DSCAML1: variants seen among roughly 807,000 people sequenced by gnomAD.
DSCAML1 encodes the protein DS cell adhesion molecule like 1.
In DSCAML1, 38 loss-of-function variants were observed where a neutral mutation model predicts 200.5. The observed-to-expected ratio is 0.19, with a 90% CI of 0.15 to 0.25. The LOEUF (loss-of-function observed/expected upper bound fraction) is 0.25. DSCAML1 is among the 10% of genes least tolerant of loss of function. DSCAML1 has a pLI of 1.00. For missense variants in DSCAML1, 2,223 were observed against 2,858.8 expected (o/e 0.78, Z 5.07); for synonymous variants, 1,215 against 1,165.0 (o/e 1.04, Z -0.87).
chr11:117,758,640 G>C (rs1281692991), intron 3 of DSCAML1, among the ~76,000 whole-genome samples: 1 of 152,062 alleles, frequency 6.6e-6, no homozygotes, highest in African/African-American at 2.4e-5. Context: ...CTGACCTCGT[G>C]ATCCGCCCAC....
chr11:117,526,798 G>A (rs1015664119), intron 4 of DSCAML1, among the ~76,000 whole-genome samples: 54 of 152,022 alleles, frequency 3.6e-4, no homozygotes, highest in Admixed American at 1.2e-3. Flanking sequence ...TTACAGGCAT[G>A]AGCCACCGTG....
chr11:117,541,527 G>A (rs1281578858), intron 3 of DSCAML1, among the ~76,000 whole-genome samples: 6 of 152,186 alleles, frequency 3.9e-5, no homozygotes, highest in Non-Finnish European at 7.3e-5. Flanking sequence ...TGCCCTGGTT[G>A]TCTCTCCCCC....
At chr11:117,639,241 ATGGGAGGCTGGG>A (rs1422405254) in intron 3 of DSCAML1, among the ~76,000 whole-genome samples, 1 of 138,220 alleles carries the variant, frequency 7.2e-6, no homozygotes, top group East Asian at 2.4e-4. Context: ...GGCTGGATGG[ATGGGAGGCTGGG>A]TGGGAGGCTG....
intron 3 of DSCAML1, among the ~76,000 whole-genome samples, chr11:117,773,244 C>A (rs114854879): frequency 0.014 from 2,176 of 152,288 alleles, 43 homozygotes; most frequent in African/African-American, 0.049. Context: ...CCCAGGGCAC[C>A]TGCATCCCCA....
At chr11:117,576,604 C>T (rs1240149098) in intron 3 of DSCAML1, among the ~76,000 whole-genome samples, 2 of 152,226 alleles carry the variant, frequency 1.3e-5, no homozygotes, top group African/African-American at 4.8e-5. Context: ...GCACACAATA[C>T]CAGCTCAAGA....
At chr11:117,512,792 CA>C (rs1565754030) in intron 8 of DSCAML1, among the ~76,000 whole-genome samples, 32 of 150,988 alleles carry the variant, frequency 2.1e-4, no homozygotes, top group African/African-American at 7.0e-4. Flanking sequence ...CACACACACA[CA>C]CACACACACC....
chr11:117,754,504 G>A (rs964677072), intron 3 of DSCAML1, among the ~76,000 whole-genome samples: 10 of 152,216 alleles, frequency 6.6e-5, no homozygotes, highest in Admixed American at 1.3e-4. Flanking sequence ...TGATGGGGGA[G>A]CGGGGGGTGT....
At chr11:117,614,460 C>T (rs570116566) in intron 3 of DSCAML1, among the ~76,000 whole-genome samples, 14 of 152,274 alleles carry the variant, frequency 9.2e-5, no homozygotes, top group African/African-American at 2.9e-4. Context: ...GTGATTCTAA[C>T]GTAAAGCCAC....
chr11:117,649,071 G>A (rs1462299321), intron 3 of DSCAML1, among the ~76,000 whole-genome samples: 1 of 151,580 alleles, frequency 6.6e-6, no homozygotes, highest in Non-Finnish European at 1.5e-5. Flanking sequence ...GTGTGTGTGT[G>A]TGTGTGTGTG....
chr11:117,752,328 G>T (rs1016876680), intron 3 of DSCAML1, among the ~76,000 whole-genome samples: 13 of 152,186 alleles, frequency 8.5e-5, no homozygotes, highest in African/African-American at 2.4e-4. Context: ...ATTTACTCAG[G>T]TGACTCATGT....
chr11:117,582,100 A>G (rs1007408746), intron 3 of DSCAML1, among the ~76,000 whole-genome samples: 1 of 152,226 alleles, frequency 6.6e-6, no homozygotes, highest in Non-Finnish European at 1.5e-5. Context: ...TCAGGGGACA[A>G]GAAGGGTATC....
At chr11:117,449,470 C>G (rs1189471536) in intron 20 of DSCAML1, among the ~76,000 whole-genome samples, 5 of 151,792 alleles carry the variant, frequency 3.3e-5, no homozygotes, top group Non-Finnish European at 5.9e-5. Flanking sequence ...TCAGAAAGAC[C>G]ACAGGAAAGC....
intron 1 of DSCAML1, among the ~76,000 whole-genome samples, chr11:117,803,136 A>C (rs2055676686): frequency 6.6e-6 from 1 of 152,094 alleles, no homozygotes; most frequent in Admixed American, 6.5e-5. Context: ...ACGTACTTCC[A>C]GGATAGGGAA....
chr11:117,600,504 G>A (rs1036352529), intron 3 of DSCAML1, among the ~76,000 whole-genome samples: 1 of 152,154 alleles, frequency 6.6e-6, no homozygotes, highest in African/African-American at 2.4e-5. Context: ...CCCTCTCCCT[G>A]GGGCTCCAGG....
chr11:117,695,590 G>C (rs55973262), intron 3 of DSCAML1, among the ~76,000 whole-genome samples: 8,514 of 152,150 alleles, frequency 0.056, 324 homozygotes, highest in Non-Finnish European at 0.076. Context: ...CCTGAGGAGG[G>C]GTTAGAGGAG....
intron 18 of DSCAML1, among the ~76,000 whole-genome samples, chr11:117,460,397 G>A (rs1028301410): frequency 3.3e-5 from 5 of 152,108 alleles, no homozygotes; most frequent in Non-Finnish European, 7.3e-5. Flanking sequence ...CCGTAGTAGC[G>A]CTGGACAAAT....
Position 117,469,968 on chromosome 11 carries a change from G to A in DSCAML1, c.2966C>T (p.Pro989Leu). The A allele has an allele frequency of 1.2e-6, 2 of 1,604,562 alleles. No individual in the cohort carries two copies. The highest frequency in any genetic ancestry group is 2.2e-5 in the East Asian group (1 of 44,658). ...ISTEEAAPDG[P>L]PMDVTLQPVT... The stretch of plus-strand genomic sequence containing the variant: ...TGGCTGCAAGGTAACATCCATGGGG[G>A]GCCCATCGGGAGCTGAGCAGGGTAG... The change falls in exon 16 of 33, where the codon CCC becomes CTC. Residue 989 changes from proline to leucine, a missense_variant. Pro to Leu is a moderately conservative substitution (Grantham distance 98). This residue lies in a region of DSCAML1 where 438 missense variants were observed against 629.7 expected (regional missense o/e 0.70). Coordinates refer to ENST00000651296, the MANE Select transcript of DSCAML1 (RefSeq NM_020693.4). This position sits in a 1 kb window ranked among gnomAD's most constrained non-coding sequence, Gnocchi z 4.1.
Position 117,562,353 on chromosome 11 carries a change from AG to A in DSCAML1, c.512-29832del, listed in dbSNP as rs533630605. Among the ~76,000 whole-genome samples the A allele has an allele frequency of 9.2e-5, 14 of 152,326 alleles. No individual in the cohort carries two copies. In the South Asian group the frequency reaches 2.9e-3, roughly 32 times the overall value. ...CCCCTCTCTCTAGGGACTGGACTCC[AG>A]GGCTCCTCGCCAGGGTGTGTGTGCC... On this transcript the variant is annotated intron_variant, in intron 3 of 32. Coordinates refer to ENST00000651296, the MANE Select transcript of DSCAML1 (RefSeq NM_020693.4).
At chr11:117,625,490 AG>A (rs750990675) in intron 3 of DSCAML1, among the ~76,000 whole-genome samples, 8 of 152,168 alleles carry the variant, frequency 5.3e-5, no homozygotes, top group Non-Finnish European at 1.2e-4. Flanking sequence ...TTCAAGCTAG[AG>A]GGGCCCCCTC....
Sources: allele counts gnomAD v4.1 joint callset (sites outside exome capture counted in the v4.1 genomes callset), GRCh38; gene constraint gnomAD v4.1.1; regional missense constraint gnomAD v4.1.1; non-coding constraint Gnocchi (gnomAD v3.1); transcripts MANE v1.5; gene names NCBI Gene and HGNC (gene_info 2026-07-23, HGNC 2026-07-21).